KIF1B: variants seen among roughly 807,000 people sequenced by gnomAD.
KIF1B encodes the protein kinesin family member 1B.
KIF1B carries 76 observed loss-of-function variants against 241.9 expected under a neutral mutation model. That is an observed-to-expected ratio of 0.31 (90% CI 0.26 to 0.38). The LOEUF (loss-of-function observed/expected upper bound fraction) is 0.38. Ranked by LOEUF, KIF1B falls within the 10% of genes least tolerant of loss-of-function variation. The pLI is 1.00. For missense variants in KIF1B, 1,622 were observed against 2,271.4 expected (o/e 0.71, Z 5.81); for synonymous variants, 750 against 796.7 (o/e 0.94, Z 0.99).
At chr1:10,342,241 G>T in intron 33 of KIF1B, 73 bp downstream of exon 33, 1 of 945,374 alleles carries the variant, frequency 1.1e-6, no homozygotes, top group Non-Finnish European at 1.8e-6. Context: ...TGGAAAGGAA[G>T]AAATCTTTTG....
intron 47 of KIF1B, 95 bp downstream of exon 47, chr1:10,375,141 C>T: frequency 1.3e-6 from 2 of 1,517,072 alleles, no homozygotes. Flanking sequence ...TTTCCCTATT[C>T]TCTCTGGTTT....
At chr1:10,360,056 T>TAA (rs1638373740) in intron 38 of KIF1B, among the ~76,000 whole-genome samples, 3 of 150,098 alleles carry the variant, frequency 2.0e-5, no homozygotes, top group African/African-American at 7.5e-5. Context: ...AATAAAAAAA[T>TAA]AATAAAATAA....
In KIF1B at chr1:10,377,208, A is replaced by G. The variant is rs1004872808; in HGVS notation, c.*621A>G. ...TCCATTCAGGGAAAAGGTGGTAGTG[A>G]GCATAGAACTGCAACAGTTATATTC... On this transcript the variant is annotated 3_prime_UTR_variant, in exon 49 of 49. Transcript: ENST00000676179. 1 of 235,806 alleles carries G rather than the reference A, an allele frequency of 4.2e-6. No individual in the cohort carries two copies. The highest frequency in any genetic ancestry group is 2.2e-5 in the African/African-American group (1 of 45,294). The allele number at this position is 235,806 out of a possible 1,614,324, so 14.6% of individuals were successfully genotyped here.
Position 10,374,605 on chromosome 1 carries a change from G to A in KIF1B, c.5096+140G>A. On this transcript the variant is annotated intron_variant, in intron 46 of 48. Transcript: ENST00000676179. The surrounding 1 kb of genome is among the most constrained non-coding windows in gnomAD (Gnocchi z 4.3). ...TAGTCTGATGCAAGTTGAGTCTGGG[G>A]TGAGAGGGCCAGCCTGGGTTTCTCC... The A allele has an allele frequency of 3.6e-6, 4 of 1,104,646 alleles. No homozygotes were observed. The highest frequency in any genetic ancestry group is 5.4e-6 in the Non-Finnish European group (4 of 739,408). 68.4% of individuals were successfully genotyped at this position (1,104,646 alleles called of 1,614,324 possible).
At chr1:10,285,362 A>C (rs1248347906) in intron 15 of KIF1B, among the ~76,000 whole-genome samples, 1 of 152,194 alleles carries the variant, frequency 6.6e-6, no homozygotes, top group Non-Finnish European at 1.5e-5. Flanking sequence ...AAATAATGTC[A>C]CATGTTAGGA....
intron 38 of KIF1B, among the ~76,000 whole-genome samples, chr1:10,358,812 A>G (rs1030717026): frequency 3.3e-5 from 5 of 152,190 alleles, no homozygotes; most frequent in African/African-American, 9.7e-5. Flanking sequence ...TACTTTACAC[A>G]GAGTTTTATG....
In KIF1B at chr1:10,361,547, C is replaced by A. The variant is rs1043280460; in HGVS notation, c.4171-145C>A. 7.1e-5 allele frequency: 62 copies of A among 877,354 alleles called. No homozygotes were observed. In the African/African-American group the frequency reaches 9.2e-4, roughly 13 times the overall value. The allele number at this position is 877,354 out of a possible 1,614,324, so 54.3% of individuals were successfully genotyped here. A position where few individuals can be genotyped will look rare whatever the true frequency, so the allele number is the denominator to read the frequency against. On this transcript the variant is annotated intron_variant, in intron 39 of 48. Transcript: ENST00000676179. ...ACTACCTACTCTTGCACATATTATC[C>A]ATTGGGTGGCTGTTGAAATAATTGG...
At chr1:10,299,637 C>G (rs909355433) in intron 22 of KIF1B, among the ~76,000 whole-genome samples, 19 of 152,134 alleles carry the variant, frequency 1.2e-4, no homozygotes, top group Non-Finnish European at 2.5e-4. Context: ...ATAATGTCAG[C>G]ATTAAACAAT....
intron 22 of KIF1B, chr1:10,306,264 A>G (rs899215757): frequency 9.6e-7 from 1 of 1,043,224 alleles, no homozygotes. Context: ...TGGGTAAATG[A>G]TGTCTGTAAT....
At chr1:10,336,399 A>G (rs1652179701) in intron 28 of KIF1B, among the ~76,000 whole-genome samples, 1 of 152,210 alleles carries the variant, frequency 6.6e-6, no homozygotes, top group African/African-American at 2.4e-5. Context: ...TGCCCACCTC[A>G]GCCCCTCAAA....
At chr1:10,373,878 G>T (rs1419905749) in intron 45 of KIF1B, among the ~76,000 whole-genome samples, 1 of 152,192 alleles carries the variant, frequency 6.6e-6, no homozygotes, top group African/African-American at 2.4e-5. Flanking sequence ...TTCTCGTTCC[G>T]TAGGTCTGGC....
intron 38 of KIF1B, among the ~76,000 whole-genome samples, chr1:10,358,099 A>G (rs1334992252): frequency 7.0e-6 from 1 of 142,140 alleles, no homozygotes; most frequent in Non-Finnish European, 1.5e-5. Context: ...AGCAAGTCCA[A>G]AGCAAAAAAA....
chr1:10,350,430 G>A (rs1652750784), intron 37 of KIF1B, among the ~76,000 whole-genome samples: 1 of 151,758 alleles, frequency 6.6e-6, no homozygotes, highest in South Asian at 2.1e-4. Context: ...CGTGGTGGTG[G>A]GCGCCTGTAG....
chr1:10,322,173 C>T (rs550907705), intron 24 of KIF1B, among the ~76,000 whole-genome samples: 1 of 152,098 alleles, frequency 6.6e-6, no homozygotes, highest in Middle Eastern at 3.4e-3. Flanking sequence ...AATTTTCTTC[C>T]ACTTTTCTGT....
intron 2 of KIF1B, among the ~76,000 whole-genome samples, chr1:10,250,036 C>T (rs900023661): frequency 5.9e-5 from 9 of 152,046 alleles, no homozygotes; most frequent in East Asian, 1.9e-4. Context: ...GTCTCGAACG[C>T]GTAGGCTCAG....
chr1:10,334,419 A>G, intron 27 of KIF1B, 101 bp from the exon 28 acceptor site: 2 of 933,784 alleles, frequency 2.1e-6, no homozygotes, highest in Non-Finnish European at 3.5e-6. Flanking sequence ...ACAAGGCCAG[A>G]AGTCAGCTCA....
intron 22 of KIF1B, among the ~76,000 whole-genome samples, chr1:10,317,209 T>G (rs769052088): frequency 6.6e-6 from 1 of 151,778 alleles, no homozygotes; most frequent in Non-Finnish European, 1.5e-5. Flanking sequence ...TAAAAAATTT[T>G]TATTTAAAGA....
At chr1:10,321,959 A>AGCT (rs1327387643) in intron 24 of KIF1B, 102 bp downstream of exon 24, 10 of 1,313,852 alleles carry the variant, frequency 7.6e-6, no homozygotes, top group Non-Finnish European at 1.1e-5. Flanking sequence ...GGGGGAACTC[A>AGCT]GCTGCTTTGT....
At chr1:10,248,614 T>C (rs1264083722) in intron 2 of KIF1B, among the ~76,000 whole-genome samples, 1 of 152,212 alleles carries the variant, frequency 6.6e-6, no homozygotes, top group Non-Finnish European at 1.5e-5. Flanking sequence ...TGGGAGTCTT[T>C]ATGTTATACA....
Sources: gnomAD v4.1 joint callset for allele counts (sites outside exome capture counted in the v4.1 genomes callset) on GRCh38, gnomAD v4.1.1 for gene constraint, Gnocchi (gnomAD v3.1) non-coding constraint, MANE v1.5 for transcripts, NCBI Gene and HGNC (gene_info 2026-07-23, HGNC 2026-07-21) for gene names.